The following RBFOX1 variants were observed in gnomAD, a reference collection of about 807,000 sequenced individuals.
RBFOX1 encodes RNA binding protein fox-1 homolog 1.
RBFOX1 carries 8 observed loss-of-function variants against 57.7 expected under a neutral mutation model. That is an observed-to-expected ratio of 0.14 (90% CI 0.08 to 0.25). RBFOX1 has a LOEUF of 0.25. Ranked by LOEUF, RBFOX1 falls within the 10% of genes least tolerant of loss-of-function variation. The probability of loss-of-function intolerance (pLI) is 1.00; values close to 1 mark genes in which losing one functional copy is unlikely to be tolerated. For synonymous variants in RBFOX1, 326 were observed against 222.4 expected, an observed-to-expected ratio of 1.47 and a Z score of -4.15; for missense variants, 611 against 548.5, an observed-to-expected ratio of 1.11 and a Z score of -1.14.
chr16:6,314,111 C>T (rs78748795), intron 1 of RBFOX1, among the ~76,000 whole-genome samples: 4 of 152,208 alleles, frequency 2.6e-5, no homozygotes, highest in African/African-American at 9.6e-5. Flanking sequence ...TACCTGGGTA[C>T]CAAGTACGGT....
chr16:5,747,714 T>C (rs1367078631), intron 3 of RBFOX1, among the ~76,000 whole-genome samples: 1 of 152,198 alleles, frequency 6.6e-6, no homozygotes, highest in Non-Finnish European at 1.5e-5. Flanking sequence ...GTGGGATTCG[T>C]GGTGATATCC....
chr16:7,223,918 T>C (rs1466533852), intron 4 of RBFOX1, among the ~76,000 whole-genome samples: 2 of 151,870 alleles, frequency 1.3e-5, no homozygotes, highest in Non-Finnish European at 2.9e-5. Flanking sequence ...TTGTACCAAG[T>C]TGAAAGTGGA....
intron 1 of RBFOX1, among the ~76,000 whole-genome samples, chr16:5,327,706 TGGCCTCAGCA>T (rs925259379): frequency 1.3e-5 from 2 of 152,202 alleles, no homozygotes; most frequent in African/African-American, 4.8e-5. Context: ...CCCGATTCCC[TGGCCTCAGCA>T]GTGAGCTGCC....
chr16:6,828,910 C>T (rs2092458430), intron 3 of RBFOX1, among the ~76,000 whole-genome samples: 3 of 152,074 alleles, frequency 2.0e-5, no homozygotes, highest in South Asian at 4.1e-4. Flanking sequence ...GCCCCAAATC[C>T]CCTTAGGCAT....
intron 3 of RBFOX1, among the ~76,000 whole-genome samples, chr16:6,781,245 T>A (rs28883312): frequency 0.75 from 113,606 of 152,068 alleles, 43,738 homozygotes; most frequent in African/African-American, 0.92. Flanking sequence ...TGATTTGTCT[T>A]TGTTGAACCA....
intron 10 of RBFOX1, among the ~76,000 whole-genome samples, chr16:7,608,203 C>T (rs1433615544): frequency 1.3e-5 from 2 of 152,208 alleles, no homozygotes; most frequent in African/African-American, 4.8e-5. Flanking sequence ...CCTTAGTAAC[C>T]TCTTGACGGT....
intron 3 of RBFOX1, among the ~76,000 whole-genome samples, chr16:6,662,724 G>A (rs1230951308): frequency 6.6e-6 from 1 of 152,086 alleles, no homozygotes; most frequent in African/African-American, 2.4e-5. Flanking sequence ...GAGACCCAGA[G>A]CCCCTGACAG....
At chr16:5,992,485 C>T (rs1408639924) in intron 4 of RBFOX1, among the ~76,000 whole-genome samples, 2 of 152,188 alleles carry the variant, frequency 1.3e-5, no homozygotes, top group East Asian at 1.9e-4. Flanking sequence ...CAACTTAGAT[C>T]TTGCAGGTTT....
At chr16:7,682,760 A>T (rs2075092341) in intron 14 of RBFOX1, among the ~76,000 whole-genome samples, 2 of 151,244 alleles carry the variant, frequency 1.3e-5, no homozygotes, top group South Asian at 4.2e-4. Context: ...GTGTACATCT[A>T]TACATATCTA....
intron 5 of RBFOX1, among the ~76,000 whole-genome samples, chr16:7,539,186 C>A (rs1601302397): frequency 6.6e-6 from 1 of 152,126 alleles, no homozygotes. Context: ...CACCATGATA[C>A]TTTTTGAAGA....
chr16:7,480,321 C>T (rs888602847), intron 4 of RBFOX1, among the ~76,000 whole-genome samples: 2 of 152,168 alleles, frequency 1.3e-5, no homozygotes, highest in African/African-American at 4.8e-5. Context: ...ATCCCAGTTT[C>T]CCTCTCTTTC....
chr16:6,180,535 C>G (rs1192334689), intron 1 of RBFOX1, among the ~76,000 whole-genome samples: 1 of 149,460 alleles, frequency 6.7e-6, no homozygotes, highest in African/African-American at 2.5e-5. Flanking sequence ...TCATTCTCGT[C>G]TCTCTGTTTC....
chr16:7,060,027 TC>T (rs2053759254), intron 4 of RBFOX1, among the ~76,000 whole-genome samples: 1 of 152,202 alleles, frequency 6.6e-6, no homozygotes, highest in Non-Finnish European at 1.5e-5. Flanking sequence ...GTGGAAAGAT[TC>T]TGCAGTCAGA....
intron 1 of RBFOX1, among the ~76,000 whole-genome samples, chr16:5,387,049 C>G (rs964907284): frequency 6.6e-6 from 1 of 152,084 alleles, no homozygotes; most frequent in Non-Finnish European, 1.5e-5. Context: ...GAAACTCCAT[C>G]TCAAAAAAAT....
chr16:5,658,276 C>T lies in RBFOX1; in HGVS notation c.318+59315C>T, dbSNP rs17138289. ...GCTGAGACCCCAAGACTGGAGACAT[C>T]AGGATTGGAAAGATATCCTGAGCCA... On this transcript the variant is annotated intron_variant, in intron 3 of 19. Coordinates refer to the RBFOX1 transcript ENST00000641259. Among the ~76,000 whole-genome samples the T allele has an allele frequency of 0.014, 2,132 of 152,224 alleles. 127 individuals are homozygous for T. In the East Asian group the frequency reaches 0.19, roughly 13 times the overall value.
chr16:6,662,132 C>T (rs35836402), intron 3 of RBFOX1, among the ~76,000 whole-genome samples: 4 of 42,348 alleles, frequency 9.4e-5, no homozygotes, highest in Admixed American at 4.1e-4. Flanking sequence ...GGGCTGGGGG[C>T]GGGGTGAAAA....
chr16:6,730,910 A>C (rs1216664790), intron 3 of RBFOX1, among the ~76,000 whole-genome samples: 1 of 152,164 alleles, frequency 6.6e-6, no homozygotes, highest in Non-Finnish European at 1.5e-5. Context: ...TGGGGTGGGG[A>C]GATTTCTATC....
At chr16:5,260,118 T>C (rs1466139132) in intron 1 of RBFOX1, among the ~76,000 whole-genome samples, 1 of 152,170 alleles carries the variant, frequency 6.6e-6, no homozygotes, top group Non-Finnish European at 1.5e-5. Context: ...GGAGAATCGC[T>C]TAAGCCTGGG....
At chr16:6,966,156 A>G (rs1299875177) in intron 3 of RBFOX1, among the ~76,000 whole-genome samples, 1 of 152,098 alleles carries the variant, frequency 6.6e-6, no homozygotes, top group Non-Finnish European at 1.5e-5. Flanking sequence ...AAAAGGAGAC[A>G]TTTACGCTCT....
Sources: allele counts gnomAD v4.1 joint callset (sites outside exome capture counted in the v4.1 genomes callset), GRCh38; gene constraint gnomAD v4.1.1; transcripts MANE v1.5; gene names NCBI Gene and HGNC (gene_info 2026-07-23, HGNC 2026-07-21).